CSMD1: variants seen among roughly 807,000 people sequenced by gnomAD.
CSMD1 encodes CUB and sushi domain-containing protein 1.
CSMD1 carries 213 observed loss-of-function variants against 417.5 expected under a neutral mutation model. The ratio of observed to expected loss-of-function variants is 0.51; its 90% CI spans 0.46 to 0.57. The LOEUF (loss-of-function observed/expected upper bound fraction) is 0.57, where lower values mean the gene tolerates loss of function less well. Ranked by LOEUF, CSMD1 falls within the 20% of genes least tolerant of loss-of-function variation. The probability of loss-of-function intolerance (pLI) is 0.00; values close to 1 mark genes in which losing one functional copy is unlikely to be tolerated. For missense variants in CSMD1, 6,923 were observed against 4,529.7 expected (o/e 1.53, Z -15.17); for synonymous variants, 2,862 against 1,736.8 (o/e 1.65, Z -16.11).
chr8:3,448,353 AAGAAGGAAGAAGGGAGGAAGGGAGGGGG>A, intron 12 of CSMD1, among the ~76,000 whole-genome samples: 1 of 49,314 alleles, frequency 2.0e-5, no homozygotes, highest in Non-Finnish European at 4.0e-5. Flanking sequence ...GGGAGGAAGG[AAGAAGGAAGAAGGGAGGAAGGGAGGGGG>A]AGGAGGGAGG....
At chr8:4,977,333 G>A (rs953825955) in intron 1 of CSMD1, among the ~76,000 whole-genome samples, 1 of 152,128 alleles carries the variant, frequency 6.6e-6, no homozygotes, top group Non-Finnish European at 1.5e-5. Flanking sequence ...AACCTTGATT[G>A]AAAACGCAGC....
At chr8:3,827,333 A>C (rs1012350482) in intron 5 of CSMD1, among the ~76,000 whole-genome samples, 1 of 152,218 alleles carries the variant, frequency 6.6e-6, no homozygotes, top group Admixed American at 6.5e-5. Flanking sequence ...AATTAAACAA[A>C]ATTAATAACT....
intron 3 of CSMD1, among the ~76,000 whole-genome samples, chr8:4,160,354 G>T (rs1232610370): frequency 6.6e-6 from 1 of 152,092 alleles, no homozygotes; most frequent in African/African-American, 2.4e-5. Flanking sequence ...TTTTTGTAAA[G>T]TAATGAAGCC....
At chr8:3,040,952 G>A (rs1341760528) in intron 50 of CSMD1, among the ~76,000 whole-genome samples, 1 of 152,158 alleles carries the variant, frequency 6.6e-6, no homozygotes, top group Non-Finnish European at 1.5e-5. Context: ...CGTGTTGAAT[G>A]TTTCTACAGA....
At chr8:4,201,898 GGC>G (rs1554492010) in intron 3 of CSMD1, among the ~76,000 whole-genome samples, 1 of 146,034 alleles carries the variant, frequency 6.8e-6, no homozygotes, top group Admixed American at 6.8e-5. Flanking sequence ...GGGGGGGGGG[GGC>G]GCTGCATTCA....
At chr8:4,786,794 G>C (rs186812336) in intron 1 of CSMD1, among the ~76,000 whole-genome samples, 3 of 152,054 alleles carry the variant, frequency 2.0e-5, no homozygotes, top group Admixed American at 6.5e-5. Flanking sequence ...TGCATACATA[G>C]ATTTGTCAAT....
intron 17 of CSMD1, among the ~76,000 whole-genome samples, chr8:3,391,034 T>A (rs565597606): frequency 1.3e-5 from 2 of 152,212 alleles, no homozygotes; most frequent in African/African-American, 2.4e-5. Context: ...CTCTCTCTCA[T>A]GTATGCATCC....
intron 11 of CSMD1, among the ~76,000 whole-genome samples, chr8:3,480,076 G>C (rs1341005748): frequency 6.6e-6 from 1 of 151,970 alleles, no homozygotes; most frequent in Non-Finnish European, 1.5e-5. Context: ...AATGGAAAAG[G>C]GGCCGGGAGT....
intron 2 of CSMD1, among the ~76,000 whole-genome samples, chr8:4,453,819 T>TTTC (rs1799302196): frequency 1.7e-5 from 2 of 115,336 alleles, no homozygotes; most frequent in African/African-American, 8.0e-5. Flanking sequence ...CGTTTCTTTT[T>TTTC]TTTTTTTTTT....
intron 21 of CSMD1, among the ~76,000 whole-genome samples, chr8:3,349,879 C>A (rs376169404): frequency 2.2e-4 from 18 of 80,330 alleles, no homozygotes; most frequent in African/African-American, 5.0e-4. Context: ...ATATTTATAT[C>A]TATATATATA....
At chr8:4,171,319 G>C (rs141823774) in intron 3 of CSMD1, among the ~76,000 whole-genome samples, 49 of 151,958 alleles carry the variant, frequency 3.2e-4, no homozygotes, top group African/African-American at 1.1e-3. Flanking sequence ...TGTTTTCCAG[G>C]TGTAGGGATT....
At chr8:3,711,442 G>A (rs948524735) in intron 6 of CSMD1, among the ~76,000 whole-genome samples, 1 of 152,104 alleles carries the variant, frequency 6.6e-6, no homozygotes, top group Admixed American at 6.5e-5. Context: ...GGCTCACAAC[G>A]TCCAGCCCAG....
At chr8:4,693,367 G>A (rs1396614830) in intron 1 of CSMD1, among the ~76,000 whole-genome samples, 1 of 152,206 alleles carries the variant, frequency 6.6e-6, no homozygotes, top group Admixed American at 6.5e-5. Context: ...TGAGTAGAGT[G>A]GAGAAAACAG....
In CSMD1 at chr8:4,732,314, T is replaced by A. The variant is rs183001738; in HGVS notation, c.86-94756A>T. 2.4e-4 allele frequency among the ~76,000 whole-genome samples: 37 copies of A among 151,082 alleles called. No individual in the cohort carries two copies. The East Asian group carries it at 7.1e-3, about 29-fold the overall frequency. On this transcript the variant is annotated intron_variant, in intron 1 of 69. Transcript: ENST00000635120. Reference sequence around the variant, plus strand: ...AACCTTAATGTTAAATTAAGACACCTGAAGAGTTAATAGATTTAAATTTCT... The same window carrying A: ...AACCTTAATGTTAAATTAAGACACCAGAAGAGTTAATAGATTTAAATTTCT...
At chr8:3,198,732 A>G (rs1252842867) in intron 33 of CSMD1, among the ~76,000 whole-genome samples, 2 of 152,192 alleles carry the variant, frequency 1.3e-5, no homozygotes, top group Admixed American at 6.5e-5. Context: ...ATTGATACAT[A>G]ATATAACACT....
At chr8:3,844,023 G>A (rs575442424) in intron 5 of CSMD1, among the ~76,000 whole-genome samples, 32 of 152,266 alleles carry the variant, frequency 2.1e-4, no homozygotes, top group African/African-American at 7.7e-4. Context: ...TGTAGTCATT[G>A]TTATTACAAT....
chr8:3,385,225 A>G (rs1810932211), intron 18 of CSMD1, among the ~76,000 whole-genome samples: 1 of 147,538 alleles, frequency 6.8e-6, no homozygotes, highest in South Asian at 2.1e-4. Flanking sequence ...ATACATATAC[A>G]TGCATATCTA....
intron 1 of CSMD1, among the ~76,000 whole-genome samples, chr8:4,711,520 C>T (rs181289795): frequency 9.9e-5 from 15 of 151,102 alleles, no homozygotes; most frequent in Non-Finnish European, 1.9e-4. Context: ...GGACATCTGT[C>T]CTGAAAAAAA....
intron 3 of CSMD1, among the ~76,000 whole-genome samples, chr8:4,250,325 G>A (rs993048218): frequency 6.6e-6 from 1 of 152,154 alleles, no homozygotes; most frequent in African/African-American, 2.4e-5. Flanking sequence ...TTCCATAGCT[G>A]TGCAAGCTAT....
Sources: gnomAD v4.1 joint callset for allele counts (sites outside exome capture counted in the v4.1 genomes callset) on GRCh38, gnomAD v4.1.1 for gene constraint, MANE v1.5 for transcripts, NCBI Gene and HGNC (gene_info 2026-07-23, HGNC 2026-07-21) for gene names.